Variants in RARB observed in about 807,000 individuals in gnomAD.
RARB encodes HBV-activated protein.
A neutral mutation model predicts 51.9 loss-of-function variants in RARB; 17 were observed. The observed-to-expected ratio is 0.33, with a 90% CI of 0.22 to 0.49. The LOEUF is 0.49. RARB is among the 20% of genes least tolerant of loss of function. RARB has a pLI of 0.99. For synonymous variants in RARB, 215 were observed against 195.4 expected (o/e 1.10, Z -0.84); for missense variants, 369 against 550.8 (o/e 0.67, Z 3.30).
intron 2 of RARB, among the ~76,000 whole-genome samples, chr3:25,037,968 C>G (rs920991390): frequency 6.6e-6 from 1 of 152,098 alleles, no homozygotes; most frequent in Admixed American, 6.5e-5. Flanking sequence ...TGTTTAAACC[C>G]CCTAGCCATG....
intron 3 of RARB, among the ~76,000 whole-genome samples, chr3:25,564,972 G>C (rs543461542): frequency 1.3e-5 from 2 of 152,232 alleles, no homozygotes; most frequent in East Asian, 3.9e-4. Flanking sequence ...CCAGAGAAGA[G>C]AGTCATCTCC....
At chr3:25,368,417 T>C (rs906043071) in intron 5 of RARB, among the ~76,000 whole-genome samples, 1 of 152,190 alleles carries the variant, frequency 6.6e-6, no homozygotes, top group Non-Finnish European at 1.5e-5. Flanking sequence ...CTCATTCATA[T>C]ATGTCATTAA....
chr3:24,847,123 C>T (rs1218559298), intron 1 of RARB, among the ~76,000 whole-genome samples: 1 of 152,166 alleles, frequency 6.6e-6, no homozygotes, highest in Non-Finnish European at 1.5e-5. Flanking sequence ...TTGGATGCTG[C>T]TAATCTGGGA....
chr3:24,985,354 T>G (rs908886535), intron 2 of RARB, among the ~76,000 whole-genome samples: 6 of 151,746 alleles, frequency 4.0e-5, no homozygotes, highest in Non-Finnish European at 7.4e-5. Flanking sequence ...TTTTTGTTTT[T>G]TTTTTTTTTT....
intron 3 of RARB, among the ~76,000 whole-genome samples, chr3:25,544,430 C>T (rs1287579644): frequency 6.6e-6 from 1 of 152,156 alleles, no homozygotes; most frequent in Non-Finnish European, 1.5e-5. Context: ...TATATGGAGA[C>T]TATGGGAAAT....
rs796092011 is a variant in RARB at position 24,859,968 on chromosome 3, CAAA to C, written c.-380+1223_-380+1225del. ...CCATCTCAAAGGTTGGGAATAAAAA[CAAA>C]AAAAAATGGGTGGAAGGATGGATTT... On this transcript the variant is annotated intron_variant, in intron 2 of 11. Coordinates refer to the RARB transcript ENST00000383772. Among the ~76,000 whole-genome samples the C allele has an allele frequency of 2.7e-5, 4 of 149,976 alleles. No homozygotes were observed. In the East Asian group the frequency reaches 5.8e-4, roughly 22 times the overall value.
chr3:24,935,338 C>T (rs1218631778), intron 2 of RARB, among the ~76,000 whole-genome samples: 2 of 152,030 alleles, frequency 1.3e-5, no homozygotes, highest in East Asian at 3.9e-4. Context: ...TAGTATATGA[C>T]CTCCAAAGGC....
chr3:25,356,524 T>C (rs1705740093), intron 5 of RARB, among the ~76,000 whole-genome samples: 2 of 152,078 alleles, frequency 1.3e-5, no homozygotes. Flanking sequence ...CTTTCTTTTT[T>C]TTTATTATAC....
chr3:25,040,562 A>C (rs1698091680), intron 2 of RARB, among the ~76,000 whole-genome samples: 1 of 152,068 alleles, frequency 6.6e-6, no homozygotes, highest in Non-Finnish European at 1.5e-5. Context: ...GTGAAACCTC[A>C]TCTCTACTAA....
At chr3:25,510,355 G>A (rs1020599320) in intron 3 of RARB, among the ~76,000 whole-genome samples, 1 of 152,220 alleles carries the variant, frequency 6.6e-6, no homozygotes, top group Non-Finnish European at 1.5e-5. Flanking sequence ...CGGGCACAGT[G>A]GCCCACACCT....
intron 3 of RARB, among the ~76,000 whole-genome samples, chr3:25,523,404 A>G (rs961526598): frequency 2.6e-5 from 4 of 152,228 alleles, no homozygotes; most frequent in African/African-American, 9.6e-5. Context: ...GGCAGCTGTC[A>G]TACGAGGAAA....
At chr3:24,904,116 TTCA>T (rs1694795084) in intron 2 of RARB, among the ~76,000 whole-genome samples, 1 of 152,200 alleles carries the variant, frequency 6.6e-6, no homozygotes, top group Admixed American at 6.6e-5. Flanking sequence ...TGTCATATTC[TTCA>T]TTCTGGCTCT....
intron 2 of RARB, among the ~76,000 whole-genome samples, chr3:25,489,793 G>A (rs1346147982): frequency 6.6e-6 from 1 of 152,230 alleles, no homozygotes; most frequent in Admixed American, 6.5e-5. Flanking sequence ...AACACTCTAG[G>A]TTTGGGGGGC....
At chr3:24,912,471 T>C in intron 2 of RARB, among the ~76,000 whole-genome samples, 1 of 152,190 alleles carries the variant, frequency 6.6e-6, no homozygotes, top group Non-Finnish European at 1.5e-5. Flanking sequence ...GTGAGTATCT[T>C]CCAGATATAA....
intron 5 of RARB, among the ~76,000 whole-genome samples, chr3:25,199,443 A>G (rs1279714186): frequency 6.6e-6 from 1 of 152,026 alleles, no homozygotes; most frequent in Non-Finnish European, 1.5e-5. Flanking sequence ...AATGACTAAG[A>G]GTATAATTGG....
At chr3:25,338,929 C>A (rs1166466782) in intron 5 of RARB, among the ~76,000 whole-genome samples, 2 of 152,092 alleles carry the variant, frequency 1.3e-5, no homozygotes, top group African/African-American at 2.4e-5. Context: ...AAAATCGGGT[C>A]TCTGAGAGAA....
At chr3:25,035,537 G>A (rs1697974365) in intron 2 of RARB, among the ~76,000 whole-genome samples, 1 of 150,236 alleles carries the variant, frequency 6.7e-6, no homozygotes, top group African/African-American at 2.5e-5. Context: ...AGGAAGTGAT[G>A]CAGCCAACAT....
rs931683732 is a variant in RARB at position 24,839,017 on chromosome 3, G to T, written c.-459+9614G>T. On this transcript the variant is annotated intron_variant, in intron 1 of 11. Coordinates refer to the RARB transcript ENST00000383772. ...ATTATGGGATGAAATTTGGCTTGTG[G>T]GCTGCCGGTTAGCAATTTATGGTTT... Among the ~76,000 whole-genome samples the T allele has an allele frequency of 3.3e-5, 5 of 152,012 alleles. No individual in the cohort carries two copies. In the East Asian group the frequency reaches 9.7e-4, roughly 29 times the overall value.
chr3:25,249,859 T>G (rs1175720020), intron 5 of RARB, among the ~76,000 whole-genome samples: 1 of 152,198 alleles, frequency 6.6e-6, no homozygotes, highest in Non-Finnish European at 1.5e-5. Context: ...CAGCAGGCTG[T>G]GTGTTCCTGT....
Sources: allele counts gnomAD v4.1 joint callset (sites outside exome capture counted in the v4.1 genomes callset), GRCh38; gene constraint gnomAD v4.1.1; transcripts MANE v1.5; gene names NCBI Gene and HGNC (gene_info 2026-07-23, HGNC 2026-07-21).